PPFIBP1: variants seen among roughly 807,000 people sequenced by gnomAD.
PPFIBP1 encodes the protein liprin-beta-1.
In PPFIBP1, 112 loss-of-function variants were observed where a neutral mutation model predicts 137.8. The observed-to-expected ratio is 0.81, with a 90% CI of 0.70 to 0.95. The LOEUF (loss-of-function observed/expected upper bound fraction) is 0.95, where lower values mean the gene tolerates loss of function less well. PPFIBP1 is among the 40% of genes least tolerant of loss of function. The probability of loss-of-function intolerance (pLI) is 0.00; values close to 1 mark genes in which losing one functional copy is unlikely to be tolerated. For synonymous variants in PPFIBP1, 378 were observed against 417.3 expected (o/e 0.91, Z 1.15); for missense variants, 1,083 against 1,196.6 (o/e 0.91, Z 1.40).
chr12:27,538,271 C>A (rs890771460), intron 1 of PPFIBP1: 3 of 152,244 alleles, frequency 2.0e-5, no homozygotes, highest in African/African-American at 7.2e-5. Flanking sequence ...AGTCAGAACT[C>A]ACTCGTGCAG....
intron 10 of PPFIBP1, among the ~76,000 whole-genome samples, 163 bp downstream of exon 10, chr12:27,659,011 TAAAAC>T (rs1259755231): frequency 6.6e-6 from 1 of 152,192 alleles, no homozygotes; most frequent in African/African-American, 2.4e-5. Context: ...GGGTGGATAA[TAAAAC>T]AATAAGGTAA....
At chr12:27,586,711 C>T (rs2051800282) in intron 2 of PPFIBP1, among the ~76,000 whole-genome samples, 1 of 149,944 alleles carries the variant, frequency 6.7e-6, no homozygotes, top group Non-Finnish European at 1.5e-5. Context: ...AAAAAAAAAG[C>T]CTATAAGAGC....
intron 1 of PPFIBP1, chr12:27,549,237 G>A (rs992680662): frequency 7.3e-6 from 1 of 136,320 alleles, no homozygotes; most frequent in African/African-American, 2.5e-5. Flanking sequence ...TGCAGCTCTT[G>A]ACTTGGATGA....
intron 1 of PPFIBP1, among the ~76,000 whole-genome samples, chr12:27,553,916 A>T (rs1417528280): frequency 2.6e-5 from 4 of 152,262 alleles, no homozygotes; most frequent in Non-Finnish European, 5.9e-5. Context: ...AAAACTGATT[A>T]AAGAAGCAGT....
intron 4 of PPFIBP1, chr12:27,636,629 A>G (rs911119372): frequency 2.6e-5 from 4 of 152,166 alleles, no homozygotes; most frequent in Non-Finnish European, 5.9e-5. Context: ...CTGTTCTGTG[A>G]AAGTATTTTC....
intron 2 of PPFIBP1, among the ~76,000 whole-genome samples, chr12:27,620,998 C>G (rs2056295222): frequency 6.6e-6 from 1 of 152,028 alleles, no homozygotes; most frequent in South Asian, 2.1e-4. Flanking sequence ...ACTACTGTAC[C>G]TTCATCACTT....
intron 1 of PPFIBP1, among the ~76,000 whole-genome samples, chr12:27,528,241 G>A (rs772785165): frequency 2.0e-5 from 3 of 152,014 alleles, no homozygotes; most frequent in Non-Finnish European, 4.4e-5. Context: ...GAGCCACCAC[G>A]CCTGGTTATG....
chr12:27,575,700 C>A (rs1440896719), intron 1 of PPFIBP1, among the ~76,000 whole-genome samples: 1 of 152,128 alleles, frequency 6.6e-6, no homozygotes, highest in African/African-American at 2.4e-5. Flanking sequence ...TTATGCTTGT[C>A]ATTTCACTAA....
At chr12:27,528,651 G>A (rs1944051071) in intron 1 of PPFIBP1, among the ~76,000 whole-genome samples, 1 of 152,092 alleles carries the variant, frequency 6.6e-6, no homozygotes, top group Admixed American at 6.6e-5. Context: ...CAGTGATAAT[G>A]TTTCCAGAAG....
intron 2 of PPFIBP1, among the ~76,000 whole-genome samples, chr12:27,579,581 A>G (rs1035136373): frequency 2.6e-5 from 4 of 152,202 alleles, no homozygotes; most frequent in African/African-American, 9.6e-5. Context: ...CTACAATATT[A>G]TGTACAATAT....
chr12:27,567,763 T>C (rs1467873291), intron 1 of PPFIBP1, among the ~76,000 whole-genome samples: 1 of 152,206 alleles, frequency 6.6e-6, no homozygotes, highest in Non-Finnish European at 1.5e-5. Context: ...ACTTAAGGTA[T>C]TTTAAAGTCT....
intron 2 of PPFIBP1, among the ~76,000 whole-genome samples, chr12:27,600,001 G>A (rs981324360): frequency 2.0e-5 from 3 of 152,200 alleles, no homozygotes; most frequent in Non-Finnish European, 2.9e-5. Flanking sequence ...TAATCATGCT[G>A]TATCCAAGTT....
Position 27,667,335 on chromosome 12 carries a change from T to C in PPFIBP1, c.1146+15T>C. On this transcript the variant is annotated intron_variant, in intron 13 of 29. Transcript: ENST00000228425. ...TTCCCGAAGAGGTATTAATAGACTTTCAGTATTTCCTTTATGTTGAAGAGA... is the reference window on the plus strand; with the variant it reads ...TTCCCGAAGAGGTATTAATAGACTTCCAGTATTTCCTTTATGTTGAAGAGA... The C allele has an allele frequency of 6.4e-7, 1 of 1,569,218 alleles. No individual in the cohort carries two copies. Among genetic ancestry groups the C allele is most frequent in the Non-Finnish European group, 8.6e-7 (1 of 1,157,900 alleles).
At chr12:27,644,601 T>C (rs1260569013) in intron 4 of PPFIBP1, among the ~76,000 whole-genome samples, 2 of 152,130 alleles carry the variant, frequency 1.3e-5, no homozygotes, top group African/African-American at 4.8e-5. Flanking sequence ...AAACTGCCCT[T>C]GAGAAGTTGT....
At position 27,601,385 on chromosome 12, in the gene PPFIBP1, T is replaced by G. The variant is rs552308498; in HGVS notation, c.-36+23146T>G. ...TATGATTTCCTATGCTCTGTTTGCA[T>G]GTTCATTCCCAAACAGATACAACCT... On this transcript the variant is annotated intron_variant, in intron 2 of 29. Coordinates refer to ENST00000228425, the MANE Select transcript of PPFIBP1 (RefSeq NM_003622.4). Among the ~76,000 whole-genome samples, 3 of 152,306 alleles carry G rather than the reference T, an allele frequency of 2.0e-5. 1 individual carries two copies. The highest frequency in any genetic ancestry group is 7.2e-5 in the African/African-American group (3 of 41,570).
intron 13 of PPFIBP1, among the ~76,000 whole-genome samples, chr12:27,669,248 T>C (rs539428932): frequency 1.1e-3 from 172 of 152,342 alleles, no homozygotes; most frequent in African/African-American, 4.0e-3. Flanking sequence ...AGGAGAGGGC[T>C]GAAATATTTC....
intron 11 of PPFIBP1, 34 bp from the exon 12 acceptor site, chr12:27,664,328 T>C (rs1306958998): frequency 2.2e-6 from 3 of 1,374,158 alleles, no homozygotes; most frequent in Non-Finnish European, 3.1e-6. Flanking sequence ...TTTAAGAACA[T>C]AGGATTAAAG....
intron 2 of PPFIBP1, among the ~76,000 whole-genome samples, chr12:27,609,838 A>T (rs2054900352): frequency 6.6e-6 from 1 of 152,198 alleles, no homozygotes; most frequent in African/African-American, 2.4e-5. Flanking sequence ...ATAATCCTAG[A>T]TGAATATCCC....
intron 2 of PPFIBP1, among the ~76,000 whole-genome samples, chr12:27,626,141 T>C (rs1450834339): frequency 6.6e-6 from 1 of 152,040 alleles, no homozygotes. Flanking sequence ...TGAGAAGGGC[T>C]AATAGATTGG....
Sources: allele counts gnomAD v4.1 joint callset (sites outside exome capture counted in the v4.1 genomes callset), GRCh38; gene constraint gnomAD v4.1.1; transcripts MANE v1.5; gene names NCBI Gene and HGNC (gene_info 2026-07-23, HGNC 2026-07-21).